MFHAS1: variants seen among roughly 807,000 people sequenced by gnomAD.
The protein encoded by MFHAS1 is multifunctional ROCO family signaling regulator 1.
In MFHAS1, 50 loss-of-function variants were observed where a neutral mutation model predicts 70.4. That is an observed-to-expected ratio of 0.71 (90% CI 0.57 to 0.90). The LOEUF (loss-of-function observed/expected upper bound fraction) is 0.90, where lower values mean the gene tolerates loss of function less well. Ranked by LOEUF, MFHAS1 falls within the 40% of genes least tolerant of loss-of-function variation. The pLI, the probability that MFHAS1 is intolerant of heterozygous loss-of-function variation, is 0.00. For synonymous variants in MFHAS1, 952 were observed against 620.0 expected (o/e 1.54, Z -7.96); for missense variants, 1,795 against 1,347.6 (o/e 1.33, Z -5.20).
chr8:8,873,061 C>T (rs1007780381), intron 1 of MFHAS1, among the ~76,000 whole-genome samples: 2 of 152,138 alleles, frequency 1.3e-5, no homozygotes, highest in African/African-American at 4.8e-5. Flanking sequence ...TATTACTGTA[C>T]CTTGGGCACA....
At chr8:8,834,504 G>A (rs1807527642) in intron 1 of MFHAS1, among the ~76,000 whole-genome samples, 1 of 152,134 alleles carries the variant, frequency 6.6e-6, no homozygotes, top group African/African-American at 2.4e-5. Context: ...CCTCTTCTGT[G>A]TTCACATTTG....
chr8:8,805,801 G>A (rs1265028239), intron 1 of MFHAS1, among the ~76,000 whole-genome samples: 1 of 151,822 alleles, frequency 6.6e-6, no homozygotes, highest in Non-Finnish European at 1.5e-5. Flanking sequence ...GGGTTCAAGA[G>A]ATTCTCCTGC....
intron 1 of MFHAS1, among the ~76,000 whole-genome samples, chr8:8,888,127 G>A (rs911056969): frequency 1.3e-5 from 2 of 152,122 alleles, no homozygotes; most frequent in African/African-American, 2.4e-5. Context: ...AAAACAAACT[G>A]AAGAGTCTAC....
chr8:8,893,469 G>C lies in MFHAS1; in HGVS notation c.-411C>G, dbSNP rs1455909398. ...GCGTCGCCTCCTCGAGCTCCTGGGG[G>C]AGGGCGGCGCTCGGCCCGGCGGCGG... On this transcript the variant is annotated 5_prime_UTR_variant, in exon 1 of 3. Coordinates refer to ENST00000276282, the MANE Select transcript of MFHAS1 (RefSeq NM_004225.3). The C allele has an allele frequency of 1.4e-5, 2 of 145,888 alleles. No homozygotes were observed. The highest frequency in any genetic ancestry group is 3.0e-5 in the Non-Finnish European group (2 of 65,624). 9.0% of individuals were successfully genotyped at this position (145,888 alleles called of 1,614,324 possible).
At chr8:8,857,131 C>G (rs571613329) in intron 1 of MFHAS1, among the ~76,000 whole-genome samples, 27 of 151,980 alleles carry the variant, frequency 1.8e-4, no homozygotes, top group Non-Finnish European at 3.7e-4. Context: ...AAAACAGATT[C>G]AGTCCCTTAA....
intron 1 of MFHAS1, among the ~76,000 whole-genome samples, chr8:8,817,310 A>C (rs374100514): frequency 4.6e-5 from 7 of 152,346 alleles, no homozygotes; most frequent in Admixed American, 2.0e-4. Flanking sequence ...AATTACATTA[A>C]ATTACCTCCA....
At chr8:8,861,679 G>A (rs1228511180) in intron 1 of MFHAS1, among the ~76,000 whole-genome samples, 1 of 152,178 alleles carries the variant, frequency 6.6e-6, no homozygotes, top group Non-Finnish European at 1.5e-5. Context: ...ACAGTCATGA[G>A]GTAGAATATT....
intron 1 of MFHAS1, among the ~76,000 whole-genome samples, chr8:8,847,475 C>G (rs1002321835): frequency 6.6e-6 from 1 of 152,186 alleles, no homozygotes; most frequent in Non-Finnish European, 1.5e-5. Flanking sequence ...AGTCACCACG[C>G]CCGGCCAGAA....
At chr8:8,814,802 T>C (rs138628345) in intron 1 of MFHAS1, among the ~76,000 whole-genome samples, 227 of 151,442 alleles carry the variant, frequency 1.5e-3, no homozygotes, top group Non-Finnish European at 2.0e-3. Flanking sequence ...ATTGGGGAGC[T>C]GTAAATGAAA....
intron 1 of MFHAS1, among the ~76,000 whole-genome samples, chr8:8,833,598 T>C (rs1205746523): frequency 6.6e-6 from 1 of 151,902 alleles, no homozygotes; most frequent in African/African-American, 2.4e-5. Flanking sequence ...GACCACACTC[T>C]AGCCTGGGTG....
At chr8:8,788,732 C>G (rs910863061) in intron 2 of MFHAS1, among the ~76,000 whole-genome samples, 2 of 152,218 alleles carry the variant, frequency 1.3e-5, no homozygotes, top group Non-Finnish European at 2.9e-5. Flanking sequence ...TGACTGGTTA[C>G]AGTTAGGATG....
intron 1 of MFHAS1, among the ~76,000 whole-genome samples, chr8:8,844,971 C>G (rs1164963699): frequency 1.3e-5 from 2 of 151,968 alleles, no homozygotes; most frequent in Non-Finnish European, 2.9e-5. Context: ...ACAAGAGCAA[C>G]AAAAGAAGAA....
intron 1 of MFHAS1, among the ~76,000 whole-genome samples, chr8:8,811,464 G>C (rs912384554): frequency 6.6e-6 from 1 of 152,102 alleles, no homozygotes; most frequent in African/African-American, 2.4e-5. Flanking sequence ...TTTTTGTAGA[G>C]ATGAGGTCTC....
chr8:8,814,085 G>C (rs983667516), intron 1 of MFHAS1, among the ~76,000 whole-genome samples: 6 of 151,904 alleles, frequency 3.9e-5, no homozygotes, highest in African/African-American at 1.5e-4. Context: ...TTACAGGTGT[G>C]TGCCACCACG....
intron 1 of MFHAS1, among the ~76,000 whole-genome samples, chr8:8,844,049 T>C (rs1014731784): frequency 3.3e-5 from 5 of 152,208 alleles, no homozygotes; most frequent in African/African-American, 7.2e-5. Context: ...GAAACGCAAA[T>C]TCTAATCCTT....
At chr8:8,881,358 A>G (rs13249564) in intron 1 of MFHAS1, among the ~76,000 whole-genome samples, 33,341 of 152,150 alleles carry the variant, frequency 0.22, 4,554 homozygotes, top group African/African-American at 0.38. Flanking sequence ...AGCCACCATC[A>G]TATAGAGTAC....
At chr8:8,788,685 A>G (rs558170718) in intron 2 of MFHAS1, among the ~76,000 whole-genome samples, 1 of 152,384 alleles carries the variant, frequency 6.6e-6, no homozygotes, top group South Asian at 2.1e-4. Flanking sequence ...TCTCAAACAA[A>G]GAAACAAAAA....
At chr8:8,796,766 C>T (rs972560402) in intron 2 of MFHAS1, among the ~76,000 whole-genome samples, 3 of 147,058 alleles carry the variant, frequency 2.0e-5, no homozygotes, top group African/African-American at 5.0e-5. Flanking sequence ...GAGGCCAAGA[C>T]GGGCGGATCC....
chr8:8,884,250 G>T (rs1292744768), intron 1 of MFHAS1, among the ~76,000 whole-genome samples: 1 of 152,118 alleles, frequency 6.6e-6, no homozygotes, highest in East Asian at 1.9e-4. Context: ...ATTCTGCACA[G>T]TATTTGTTTA....
Sources: allele counts gnomAD v4.1 joint callset (sites outside exome capture counted in the v4.1 genomes callset), GRCh38; gene constraint gnomAD v4.1.1; transcripts MANE v1.5; gene names NCBI Gene and HGNC (gene_info 2026-07-23, HGNC 2026-07-21).